The following NOLC1 variants were observed in gnomAD, a reference collection of about 807,000 sequenced individuals.
NOLC1 encodes nucleolar and coiled-body phosphoprotein 1.
In NOLC1, 37 loss-of-function variants were observed where a neutral mutation model predicts 73.4. The ratio of observed to expected loss-of-function variants is 0.50; its 90% CI spans 0.39 to 0.66. The LOEUF is 0.66. NOLC1 is among the 30% of genes least tolerant of loss of function. The pLI is 0.00. For synonymous variants in NOLC1, 327 were observed against 302.6 expected, an observed-to-expected ratio of 1.08 and a Z score of -0.84; for missense variants, 921 against 838.9, an observed-to-expected ratio of 1.10 and a Z score of -1.21.
rs1047431838 is a variant in NOLC1, at chr10:102,162,830, C to T, written c.*561C>T. On this transcript the variant is annotated 3_prime_UTR_variant, in exon 13 of 13. Transcript: ENST00000605788. ...AAGCATGCACTATGTATTTCATCCT[C>T]ATTTATTGGGTCTGGGACTGAAGTT... 3 of 152,218 alleles carry T rather than the reference C, an allele frequency of 2.0e-5. No individual in the cohort carries two copies. Among genetic ancestry groups the T allele is most frequent in the African/African-American group, 7.2e-5 (3 of 41,454 alleles). 9.4% of individuals were successfully genotyped at this position (152,218 alleles called of 1,614,324 possible).
At chr10:102,158,774 C>T (rs748764315) in intron 5 of NOLC1, among the ~76,000 whole-genome samples, 6 of 152,198 alleles carry the variant, frequency 3.9e-5, no homozygotes, top group East Asian at 1.9e-4. Context: ...GCATTCTCCT[C>T]GATGGCTGCT....
intron 5 of NOLC1, among the ~76,000 whole-genome samples, chr10:102,158,475 G>C (rs778915929): frequency 3.3e-5 from 5 of 152,016 alleles, no homozygotes; most frequent in Admixed American, 6.6e-5. Context: ...ACATTTCATA[G>C]ACATTTTATG....
At position 102,162,226 on chromosome 10, in the gene NOLC1, C is replaced by T; in HGVS notation, c.2057C>T (p.Ser686Leu). 5 of 1,614,104 alleles carry T rather than the reference C, an allele frequency of 3.1e-6. No homozygotes were observed. The highest frequency in any genetic ancestry group is 4.2e-6 in the Non-Finnish European group (5 of 1,180,014). The stretch of plus-strand genomic sequence containing the variant: ...AAGCGGGGCAGCTACCGGGGAGGCT[C>T]AATCTCTGTCCAGGTCAATTCTATT... ...KKKRGSYRGG[S>L]ISVQVNSIKF... Residue 686 changes from serine to leucine, a missense_variant, in exon 13 of 13, where the codon TCA (serine) becomes TTA (leucine). By Grantham distance (145) the Ser-to-Leu change is moderately radical (BLOSUM62 -2). Transcript: ENST00000605788.
chr10:102,157,772 C>T lies in NOLC1; in HGVS notation c.441+217C>T, dbSNP rs559575832. Reference sequence around the variant, plus strand: ...CTCCGAATCTAGAGGAAATTAAACCCATTCTGCTTGAGGAGTTTGGGTTCT... The same window carrying T: ...CTCCGAATCTAGAGGAAATTAAACCTATTCTGCTTGAGGAGTTTGGGTTCT... On this transcript the variant is annotated intron_variant, in intron 4 of 12. Coordinates refer to ENST00000605788, the MANE Select transcript of NOLC1 (RefSeq NM_004741.5). Among the ~76,000 whole-genome samples the T allele has an allele frequency of 3.3e-5, 5 of 152,126 alleles. No individual in the cohort carries two copies. The East Asian group carries it at 9.7e-4, about 29-fold the overall frequency.
At chr10:102,157,165 A>G (rs754537656) in intron 2 of NOLC1, 24 bp from the exon 3 acceptor site, 4 of 1,613,836 alleles carry the variant, frequency 2.5e-6, no homozygotes, top group African/African-American at 2.7e-5. Flanking sequence ...GTCCCCTAGA[A>G]ATTGGTCCAA....
At chr10:102,157,102 A>C in intron 2 of NOLC1, 28 bp downstream of exon 2, 1 of 1,613,848 alleles carries the variant, frequency 6.2e-7, no homozygotes, top group Non-Finnish European at 8.5e-7. Context: ...CATTTTGGCT[A>C]TTTTCTCCCC....
chr10:102,160,056 G>A (rs766430164), intron 8 of NOLC1, 32 bp downstream of exon 8: 14 of 1,607,268 alleles, frequency 8.7e-6, no homozygotes, highest in Middle Eastern at 1.6e-4. Context: ...TCCCCTCAGC[G>A]TGGGTCTGGA....
At chr10:102,161,434 AT>A in intron 10 of NOLC1, 121 bp from the exon 11 acceptor site, 1 of 712,526 alleles carries the variant, frequency 1.4e-6, no homozygotes, top group South Asian at 1.8e-5. Context: ...ATCTCACTAT[AT>A]TGCCCAGGCT....
chr10:102,161,643 C>G lies in NOLC1; in HGVS notation c.1829C>G (p.Thr610Arg). The change falls in exon 11 of 13, where the codon ACA (threonine) becomes AGA (arginine). Residue 610 changes from threonine to arginine, a missense_variant. Transcript: ENST00000605788. Reference protein sequence around the residue: ...AKKIKLQTPNTFPKRKKGEKR... With the variant: ...AKKIKLQTPNRFPKRKKGEKR... ...AAGATAAAGCTTCAGACCCCTAACA[C>G]ATTTCCAAAAAGGAAGAAAGTAAGT... 1 of 1,613,704 alleles carries G rather than the reference C, an allele frequency of 6.2e-7. No homozygotes were observed. The highest frequency in any genetic ancestry group is 8.5e-7 in the Non-Finnish European group (1 of 1,179,668).
intron 1 of NOLC1, among the ~76,000 whole-genome samples, chr10:102,153,698 A>T: frequency 8.3e-6 from 1 of 120,660 alleles, no homozygotes; most frequent in African/African-American, 3.2e-5. Context: ...TTTTTTTGAG[A>T]CGGAGTCTCT....
rs755495194 is a variant in NOLC1, at chr10:102,158,203, C to T, written c.596C>T (p.Pro199Leu). 11 of 1,613,952 alleles carry T rather than the reference C, an allele frequency of 6.8e-6. No homozygotes were observed. The highest frequency in any genetic ancestry group is 2.2e-5 in the East Asian group (1 of 44,888). ...ACAGTTAAAGCTCAGACTAAAGCCC[C>T]TCCCAAACCAGGTACTGTTTCTGTT... ...PVTVKAQTKAPPKPARAAPKI... is the reference protein window; with the variant it reads ...PVTVKAQTKALPKPARAAPKI... Residue 199 changes from proline to leucine, a missense_variant, in exon 5 of 13, where the codon CCT (proline) becomes CTT (leucine). Pro to Leu is a moderately conservative substitution (Grantham distance 98). Coordinates refer to ENST00000605788, the MANE Select transcript of NOLC1 (RefSeq NM_004741.5).
In NOLC1 at chr10:102,160,846, A is replaced by G; in HGVS notation, c.1494A>G (p.Ala498=). 1 of 1,614,172 alleles carries G rather than the reference A, an allele frequency of 6.2e-7. No homozygotes were observed. Among genetic ancestry groups the G allele is most frequent in the Non-Finnish European group, 8.5e-7 (1 of 1,180,032 alleles). The part of the protein sequence containing the change: ...SAVKKKPQKV[A]GGAAPSKPAS... ...TTAAGAAGAAGCCACAGAAGGTAGCAGGAGGTGCAGCCCCTTCCAAGCCAG... is the reference window on the plus strand; with the variant it reads ...TTAAGAAGAAGCCACAGAAGGTAGCGGGAGGTGCAGCCCCTTCCAAGCCAG... Residue 498 remains alanine, a synonymous_variant, in exon 10 of 13, where the codon GCA becomes GCG. Coordinates refer to ENST00000605788, the MANE Select transcript of NOLC1 (RefSeq NM_004741.5).
Position 102,157,054 on chromosome 10 carries a change from C to T in NOLC1, c.156C>T (p.Asp52=), listed in dbSNP as rs2069608597. The T allele has an allele frequency of 6.2e-7, 1 of 1,614,104 alleles. No individual in the cohort carries two copies. Among genetic ancestry groups the T allele is most frequent in the African/African-American group, 1.3e-5 (1 of 74,926 alleles). The part of the protein sequence containing the change: ...QQDANASSLL[D]IYSFWLKSAK... ...ATGCCAATGCCTCTTCCCTCTTAGA[C>T]ATCTATAGCTTCTGGCTCAAGTAAG... Residue 52 remains aspartate (D), a synonymous_variant, in exon 2 of 13, where the codon GAC becomes GAT. Transcript: ENST00000605788.
chr10:102,162,838 G>A lies in NOLC1; in HGVS notation c.*569G>A, dbSNP rs1238299887. 1 of 152,168 alleles carries A rather than the reference G, an allele frequency of 6.6e-6. No homozygotes were observed. Among genetic ancestry groups the A allele is most frequent in the Non-Finnish European group, 1.5e-5 (1 of 68,042 alleles). The allele number at this position is 152,168 out of a possible 1,614,324, so 9.4% of individuals were successfully genotyped here. On this transcript the variant is annotated 3_prime_UTR_variant, in exon 13 of 13. Coordinates refer to ENST00000605788, the MANE Select transcript of NOLC1 (RefSeq NM_004741.5). ...ACTATGTATTTCATCCTCATTTATTGGGTCTGGGACTGAAGTTTTTAGCCA... is the reference window on the plus strand; with the variant it reads ...ACTATGTATTTCATCCTCATTTATTAGGTCTGGGACTGAAGTTTTTAGCCA...
rs201446167 is a variant in NOLC1 at position 102,161,570 on chromosome 10, C to T, written c.1756C>T (p.Arg586Trp). The T allele has an allele frequency of 3.8e-5, 61 of 1,613,342 alleles. No individual in the cohort carries two copies. Among genetic ancestry groups the T allele is most frequent in the Non-Finnish European group, 4.6e-5 (54 of 1,179,558 alleles). The change falls in exon 11 of 13, where the codon CGG (arginine) becomes TGG (tryptophan). Residue 586 changes from arginine to tryptophan, a missense_variant. Transcript: ENST00000605788. ...VVSKSGSLKK[R>W]KQNEAAKEAE... ...TTGTTTTGTAGGTTCATTAAAGAAG[C>T]GGAAGCAGAATGAGGCTGCCAAGGA...
At chr10:102,153,552 A>G (rs2133749917) in intron 1 of NOLC1, among the ~76,000 whole-genome samples, 1 of 152,362 alleles carries the variant, frequency 6.6e-6, no homozygotes, top group African/African-American at 2.4e-5. Flanking sequence ...AAGCTGGGAC[A>G]GGCTGCCATG....
In NOLC1 at chr10:102,163,154, A is replaced by G. The variant is rs539693584; in HGVS notation, c.*885A>G. 10 of 152,196 alleles carry G rather than the reference A, an allele frequency of 6.6e-5. No homozygotes were observed. The highest frequency in any genetic ancestry group is 1.3e-4 in the Non-Finnish European group (9 of 68,044). 9.4% of individuals were successfully genotyped at this position (152,196 alleles called of 1,614,324 possible). ...AAAATGACATGAGTTTGAAAAATAC[A>G]TATCACTTGGTATTGCTGTCTTGGT... On this transcript the variant is annotated 3_prime_UTR_variant, in exon 13 of 13. Coordinates refer to ENST00000605788, the MANE Select transcript of NOLC1 (RefSeq NM_004741.5).
intron 12 of NOLC1, 63 bp downstream of exon 12, chr10:102,161,988 T>G (rs2069718232): frequency 6.2e-7 from 1 of 1,601,092 alleles, no homozygotes; most frequent in African/African-American, 1.3e-5. Context: ...AGGACAATTC[T>G]TGGTTCAGGT....
Position 102,160,525 on chromosome 10 carries a change from A to G in NOLC1, c.1173A>G (p.Pro391=). The G allele has an allele frequency of 6.2e-7, 1 of 1,614,194 alleles. No homozygotes were observed. ...AGTTKNSSNK[P]AVTTKSPAVK... is the part of the protein sequence containing the mutation. The stretch of plus-strand genomic sequence containing the variant: ...CCACCAAGAATTCTTCAAATAAGCC[A>G]GCTGTCACCACCAAGTCACCTGCAG... The change falls in exon 10 of 13, where the codon CCA becomes CCG. Residue 391 remains proline, a synonymous_variant. Transcript: ENST00000605788.
Sources: allele counts gnomAD v4.1 joint callset (sites outside exome capture counted in the v4.1 genomes callset), GRCh38; gene constraint gnomAD v4.1.1; transcripts MANE v1.5; gene names NCBI Gene and HGNC (gene_info 2026-07-23, HGNC 2026-07-21).